The following KCNG2 variants were observed in gnomAD, a reference collection of about 807,000 sequenced individuals.
KCNG2 encodes the protein voltage-gated potassium channel regulatory subunit KCNG2.
Under a neutral mutation model 12.3 loss-of-function variants are expected in KCNG2, and 7 were observed. The observed-to-expected ratio is 0.57, with a 90% CI of 0.32 to 1.07. KCNG2 has a LOEUF of 1.07. Among genes scored for constraint, KCNG2 ranks in the 50% least tolerant of loss-of-function variants. The pLI is 0.04. For missense variants in KCNG2, 703 were observed against 726.0 expected (o/e 0.97, Z 0.36); for synonymous variants, 414 against 351.4 (o/e 1.18, Z -1.99).
chr18:79,864,290 G>A lies in KCNG2; in HGVS notation c.623G>A (p.Arg208Gln), dbSNP rs1213331034. ...CCGGACATCCGCGCCGAGGAGGAGC[G>A]GGTGAGCGCGGCCGGGGGTGGCGGG... is the stretch of plus-strand genomic sequence containing the variant. ...TMPDIRAEEE[R>Q]GECSPKCRSL... The change falls in exon 3 of 4, where the codon CGG (arginine) becomes CAG (glutamine). Residue 208 changes from arginine (R) to glutamine (Q), a missense_variant and splice_region_variant. Coordinates refer to ENST00000316249, the MANE Select transcript of KCNG2 (RefSeq NM_012283.2). 6.5e-7 allele frequency: 1 copy of A among 1,532,018 alleles called. No individual in the cohort carries two copies. Among genetic ancestry groups the A allele is most frequent in the Non-Finnish European group, 8.7e-7 (1 of 1,145,936 alleles). 94.9% of individuals were successfully genotyped at this position (1,532,018 alleles called of 1,614,324 possible).
intron 1 of KCNG2, among the ~76,000 whole-genome samples, chr18:79,834,007 G>A (rs896804182): frequency 6.6e-6 from 1 of 152,270 alleles, no homozygotes; most frequent in Admixed American, 6.5e-5. Flanking sequence ...GCAGGGCAGT[G>A]CCTCTCTGGC....
chr18:79,828,134 A>G (rs1028826871), intron 1 of KCNG2, among the ~76,000 whole-genome samples: 1 of 152,154 alleles, frequency 6.6e-6, no homozygotes, highest in Admixed American at 6.5e-5. Flanking sequence ...CATGTTGGCC[A>G]GTCTGGTCTT....
chr18:79,818,276 G>A (rs749964021), intron 1 of KCNG2, among the ~76,000 whole-genome samples: 20 of 152,218 alleles, frequency 1.3e-4, no homozygotes, highest in Non-Finnish European at 2.6e-4. Flanking sequence ...GGAAACAGCT[G>A]AGTGAGACCC....
At chr18:79,897,997 C>T (rs935190910) in intron 3 of KCNG2, among the ~76,000 whole-genome samples, 1 of 152,176 alleles carries the variant, frequency 6.6e-6, no homozygotes, top group African/African-American at 2.4e-5. Flanking sequence ...CCTGACATTG[C>T]TCTGACCCCA....
chr18:79,833,133 CA>C (rs1978305403), intron 1 of KCNG2, among the ~76,000 whole-genome samples: 2 of 152,098 alleles, frequency 1.3e-5, no homozygotes, highest in South Asian at 4.1e-4. Context: ...TCTCTTGCTA[CA>C]GGGTTTTTTT....
intron 1 of KCNG2, among the ~76,000 whole-genome samples, chr18:79,833,562 A>G (rs1043716652): frequency 1.3e-5 from 2 of 152,244 alleles, no homozygotes; most frequent in South Asian, 4.1e-4. Flanking sequence ...CAGAAAGTAT[A>G]AGTTCATAGA....
At position 79,822,651 on chromosome 18, in the gene KCNG2, G is replaced by A. The variant is rs1197652364; in HGVS notation, c.-115+24637G>A. On this transcript the variant is annotated intron_variant, in intron 1 of 3. Transcript: ENST00000316249. The surrounding 1 kb of genome is among the most constrained non-coding windows in gnomAD (Gnocchi z 4.4). Reference sequence around the variant, plus strand: ...TCGCTGTGTTGCCCCGGCAGGTCTTGAACTCCTGACCTCAAGGGATCCACC... The same window carrying A: ...TCGCTGTGTTGCCCCGGCAGGTCTTAAACTCCTGACCTCAAGGGATCCACC... 6.6e-6 allele frequency among the ~76,000 whole-genome samples: 1 copy of A among 152,052 alleles called. No individual in the cohort carries two copies. The highest frequency in any genetic ancestry group is 1.5e-5 in the Non-Finnish European group (1 of 68,004).
chr18:79,816,509 C>T (rs547162649), intron 1 of KCNG2: 1 of 151,630 alleles, frequency 6.6e-6, no homozygotes, highest in African/African-American at 2.4e-5. Context: ...GTTAATAAAA[C>T]TTCTTCAAAG....
At chr18:79,818,208 T>C (rs958823747) in intron 1 of KCNG2, among the ~76,000 whole-genome samples, 8 of 152,172 alleles carry the variant, frequency 5.3e-5, no homozygotes, top group East Asian at 1.9e-4. Flanking sequence ...ATAAGGAAGC[T>C]TGACTCATCA....
intron 3 of KCNG2, among the ~76,000 whole-genome samples, chr18:79,894,391 T>C (rs62103242): frequency 0.06 from 120 of 2,012 alleles, no homozygotes; most frequent in Admixed American, 0.064. Flanking sequence ...CTGTGTCTGC[T>C]TTTGATTGGG....
At chr18:79,828,557 A>ATCTGTGTGCATG (rs982540940) in intron 1 of KCNG2, among the ~76,000 whole-genome samples, 25 of 149,320 alleles carry the variant, frequency 1.7e-4, no homozygotes, top group Admixed American at 6.6e-5. Context: ...CTGTGTGTCT[A>ATCTGTGTGCATG]TCTGTGTGCA....
At chr18:79,866,642 T>C (rs1359283492) in intron 3 of KCNG2, among the ~76,000 whole-genome samples, 1 of 100,130 alleles carries the variant, frequency 1.0e-5, no homozygotes, top group African/African-American at 4.0e-5. Context: ...AGGTCTGTTT[T>C]CTGAGAGGTC....
chr18:79,861,527 C>T (rs1248874445), intron 2 of KCNG2, among the ~76,000 whole-genome samples: 2 of 152,204 alleles, frequency 1.3e-5, no homozygotes, highest in Admixed American at 6.5e-5. Flanking sequence ...GATCCACCTG[C>T]CTCGGCCTCC....
chr18:79,802,374 C>T (rs866396807), intron 1 of KCNG2, among the ~76,000 whole-genome samples: 9 of 152,228 alleles, frequency 5.9e-5, no homozygotes, highest in African/African-American at 2.2e-4. Flanking sequence ...AGAGCCTGGC[C>T]TCAACACCTG....
intron 1 of KCNG2, among the ~76,000 whole-genome samples, chr18:79,855,001 T>C (rs1445011105): frequency 1.3e-5 from 2 of 152,248 alleles, no homozygotes; most frequent in Non-Finnish European, 2.9e-5. Flanking sequence ...CTAGTTTTGT[T>C]TCTTATTTAG....
intron 1 of KCNG2, among the ~76,000 whole-genome samples, chr18:79,845,936 A>T (rs1978608515): frequency 6.6e-6 from 1 of 151,654 alleles, no homozygotes; most frequent in Non-Finnish European, 1.5e-5. Context: ...AAATACAAAG[A>T]AAAAATTAGC....
In KCNG2 at chr18:79,899,257, AGC is replaced by A; in HGVS notation, c.848_849del (p.Ala283GlyfsTer230). 1 of 1,592,122 alleles carries A rather than the reference AGC, an allele frequency of 6.3e-7. No homozygotes were observed. Among genetic ancestry groups the A allele is most frequent in the Non-Finnish European group, 8.5e-7 (1 of 1,175,640 alleles). ...GGCCCGGGCGGGACCAAGCTCCTGG[AGC>A]GCGCGGGGCTGGTGCTGCGGCTGCT... On this transcript the variant is annotated frameshift_variant, in exon 4 of 4. Transcript: ENST00000316249. LOFTEE classifies it low-confidence loss of function (END_TRUNC).
intron 1 of KCNG2, among the ~76,000 whole-genome samples, chr18:79,831,716 G>T (rs965728931): frequency 1.1e-4 from 7 of 65,704 alleles, no homozygotes; most frequent in African/African-American, 4.2e-4. Flanking sequence ...GGTTCCCTGC[G>T]GACAGAGCCT....
In KCNG2 at chr18:79,859,618, C is replaced by T. The variant is rs112952384; in HGVS notation, c.-41+3166C>T. Reference sequence around the variant, plus strand: ...AACCCCTCCCATTAGGCCCCACCTCCGACACTGGGTATCAAATTCCAATAT... The same window carrying T: ...AACCCCTCCCATTAGGCCCCACCTCTGACACTGGGTATCAAATTCCAATAT... On this transcript the variant is annotated intron_variant, in intron 2 of 3. Coordinates refer to ENST00000316249, the MANE Select transcript of KCNG2 (RefSeq NM_012283.2). 3.4e-3 allele frequency among the ~76,000 whole-genome samples: 521 copies of T among 152,302 alleles called. 2 individuals carry two copies. The highest frequency in any genetic ancestry group is 0.017 in the Middle Eastern group (5 of 294).
Sources: allele counts gnomAD v4.1 joint callset (sites outside exome capture counted in the v4.1 genomes callset), GRCh38; gene constraint gnomAD v4.1.1; non-coding constraint Gnocchi (gnomAD v3.1); transcripts MANE v1.5; gene names NCBI Gene and HGNC (gene_info 2026-07-23, HGNC 2026-07-21).